TRHDE: variants seen among roughly 807,000 people sequenced by gnomAD.
TRHDE encodes thyrotropin-releasing hormone-degrading ectoenzyme.
Under a neutral mutation model 125.7 loss-of-function variants are expected in TRHDE, and 72 were observed. That is an observed-to-expected ratio of 0.57 (90% CI 0.47 to 0.70). TRHDE has a LOEUF of 0.70. Ranked by LOEUF, TRHDE falls within the 30% of genes least tolerant of loss-of-function variation. The probability of loss-of-function intolerance (pLI) is 0.00; values close to 1 mark genes in which losing one functional copy is unlikely to be tolerated. For synonymous variants in TRHDE, 509 were observed against 509.1 expected, an observed-to-expected ratio of 1.00 and a Z score of 0.00; for missense variants, 1,110 against 1,327.1, an observed-to-expected ratio of 0.84 and a Z score of 2.54.
At chr12:72,301,355 G>A (rs1378462851) in intron 2 of TRHDE, among the ~76,000 whole-genome samples, 1 of 152,144 alleles carries the variant, frequency 6.6e-6, no homozygotes, top group Non-Finnish European at 1.5e-5. Flanking sequence ...AAGGGCCTCT[G>A]TGGGAATGTA....
intron 2 of TRHDE, among the ~76,000 whole-genome samples, chr12:72,229,352 C>T (rs1217820058): frequency 6.6e-6 from 1 of 152,154 alleles, no homozygotes; most frequent in African/African-American, 2.4e-5. Flanking sequence ...ACCATCAGAT[C>T]TCATGAGACT....
intron 6 of TRHDE, among the ~76,000 whole-genome samples, chr12:72,526,248 G>A (rs1324196823): frequency 6.6e-6 from 1 of 152,026 alleles, no homozygotes; most frequent in Non-Finnish European, 1.5e-5. Context: ...ACAGTTTCAG[G>A]ATACTCGGGA....
intron 5 of TRHDE, among the ~76,000 whole-genome samples, chr12:72,473,607 T>C (rs113145649): frequency 0.015 from 2,326 of 152,198 alleles, 62 homozygotes; most frequent in African/African-American, 0.053. Flanking sequence ...TGTAGATATA[T>C]GTATTTTAGG....
intron 17 of TRHDE, among the ~76,000 whole-genome samples, chr12:72,655,914 C>A (rs1341804944): frequency 1.3e-5 from 2 of 152,062 alleles, no homozygotes; most frequent in African/African-American, 4.8e-5. Flanking sequence ...TCTCAGTGGT[C>A]ATTTAGTTCA....
intron 15 of TRHDE, among the ~76,000 whole-genome samples, chr12:72,624,417 TTATTC>T (rs1212830993): frequency 6.6e-6 from 1 of 151,940 alleles, no homozygotes; most frequent in African/African-American, 2.4e-5. Flanking sequence ...AAATAAATAT[TTATTC>T]TAATATGTCT....
At chr12:72,364,924 C>G (rs1439178744) in intron 2 of TRHDE, among the ~76,000 whole-genome samples, 1 of 152,076 alleles carries the variant, frequency 6.6e-6, no homozygotes, top group Non-Finnish European at 1.5e-5. Flanking sequence ...TAAGTTTATT[C>G]TCTTGTTTAA....
At chr12:72,553,234 A>T (rs1048387234) in intron 7 of TRHDE, among the ~76,000 whole-genome samples, 1 of 152,224 alleles carries the variant, frequency 6.6e-6, no homozygotes, top group East Asian at 1.9e-4. Flanking sequence ...TTCTTCTGTG[A>T]TATTCAGCTG....
intron 2 of TRHDE, among the ~76,000 whole-genome samples, chr12:72,293,508 G>A (rs1880169349): frequency 6.6e-6 from 1 of 152,104 alleles, no homozygotes; most frequent in South Asian, 2.1e-4. Context: ...CTCTCTTACT[G>A]GGGACAGGCT....
chr12:72,492,660 A>C (rs959881372), intron 5 of TRHDE, among the ~76,000 whole-genome samples: 1 of 151,886 alleles, frequency 6.6e-6, no homozygotes, highest in Non-Finnish European at 1.5e-5. Flanking sequence ...CCAACTGTGC[A>C]GTGCTAATTA....
chr12:72,406,487 T>C (rs1314339039), intron 3 of TRHDE, among the ~76,000 whole-genome samples: 2 of 152,162 alleles, frequency 1.3e-5, no homozygotes, highest in Non-Finnish European at 2.9e-5. Context: ...GTGCTGGTTG[T>C]TTTAATAGGA....
chr12:72,161,156 C>T (rs1439114295), intron 2 of TRHDE, among the ~76,000 whole-genome samples: 5 of 152,132 alleles, frequency 3.3e-5, no homozygotes, highest in Admixed American at 2.0e-4. Flanking sequence ...TTTTGCCAGC[C>T]AGCTGCAGTG....
intron 9 of TRHDE, among the ~76,000 whole-genome samples, chr12:72,564,704 G>T (rs1870354605): frequency 1.9e-5 from 2 of 102,752 alleles, no homozygotes; most frequent in African/African-American, 7.2e-5. Flanking sequence ...GTCTTGCTCT[G>T]TCTCCCAGGC....
intron 2 of TRHDE, among the ~76,000 whole-genome samples, chr12:72,227,363 T>G (rs1878153621): frequency 6.6e-6 from 1 of 152,040 alleles, no homozygotes; most frequent in African/African-American, 2.4e-5. Flanking sequence ...AAGCGAGAGC[T>G]TGTGCAGGGA....
At chr12:72,598,131 G>A (rs902552932) in intron 12 of TRHDE, among the ~76,000 whole-genome samples, 1 of 152,056 alleles carries the variant, frequency 6.6e-6, no homozygotes, top group Non-Finnish European at 1.5e-5. Context: ...ATGGTTTATA[G>A]TTAGTAACTA....
chr12:72,352,504 G>T lies in TRHDE; in HGVS notation c.1189-25491G>T, dbSNP rs571481656. On this transcript the variant is annotated intron_variant, in intron 2 of 18. Transcript: ENST00000261180. The stretch of plus-strand genomic sequence containing the variant: ...TTTTATATGAAATATACTTTTTTAA[G>T]ATGAAGACAGTTACTTTTGTACTGA... 4.0e-5 allele frequency among the ~76,000 whole-genome samples: 6 copies of T among 151,840 alleles called. No individual in the cohort carries two copies. In the East Asian group the frequency reaches 1.2e-3, roughly 29 times the overall value.
chr12:72,196,753 T>C (rs567958825), intron 2 of TRHDE, among the ~76,000 whole-genome samples: 2 of 152,116 alleles, frequency 1.3e-5, no homozygotes, highest in Non-Finnish European at 2.9e-5. Context: ...CATCTCCTCT[T>C]ACTTACTAAG....
chr12:72,486,559 C>T (rs1472400241), intron 5 of TRHDE, among the ~76,000 whole-genome samples: 1 of 152,060 alleles, frequency 6.6e-6, no homozygotes, highest in Non-Finnish European at 1.5e-5. Context: ...ATGTAGATAA[C>T]AACTGAAGAA....
At chr12:72,115,472 C>T (rs2139297915) in intron 2 of TRHDE, among the ~76,000 whole-genome samples, 1 of 152,142 alleles carries the variant, frequency 6.6e-6, no homozygotes, top group Non-Finnish European at 1.5e-5. Context: ...AGGTTGCTTC[C>T]AAATCTTGGC....
chr12:72,561,204 A>G (rs183261603), intron 7 of TRHDE, among the ~76,000 whole-genome samples: 2 of 152,236 alleles, frequency 1.3e-5, no homozygotes, highest in Non-Finnish European at 2.9e-5. Context: ...TACAATTTGT[A>G]TTTCAGAAAC....
Sources: gnomAD v4.1 joint callset for allele counts (sites outside exome capture counted in the v4.1 genomes callset) on GRCh38, gnomAD v4.1.1 for gene constraint, MANE v1.5 for transcripts, NCBI Gene and HGNC (gene_info 2026-07-23, HGNC 2026-07-21) for gene names.